PTK2: variants seen among roughly 807,000 people sequenced by gnomAD.
PTK2 encodes the protein protein tyrosine kinase 2.
A neutral mutation model predicts 150.1 loss-of-function variants in PTK2; 45 were observed. The ratio of observed to expected loss-of-function variants is 0.30; its 90% CI spans 0.24 to 0.38. The LOEUF is 0.38. PTK2 is among the 10% of genes least tolerant of loss of function. The pLI is 1.00. For synonymous variants in PTK2, 432 were observed against 449.2 expected (o/e 0.96, Z 0.48); for missense variants, 919 against 1,307.3 (o/e 0.70, Z 4.58).
At chr8:140,783,064 C>T (rs1157075190) in intron 14 of PTK2, among the ~76,000 whole-genome samples, 1 of 151,950 alleles carries the variant, frequency 6.6e-6, no homozygotes, top group Non-Finnish European at 1.5e-5. Flanking sequence ...CATAGGGAGA[C>T]CCCGTCTCTA....
intron 3 of PTK2, among the ~76,000 whole-genome samples, chr8:140,884,347 C>T (rs1183380339): frequency 6.6e-6 from 1 of 152,052 alleles, no homozygotes; most frequent in Admixed American, 6.6e-5. Flanking sequence ...TCCTTTCTAG[C>T]TTTCTTCCTA....
At chr8:140,863,913 T>G (rs933092268) in intron 5 of PTK2, among the ~76,000 whole-genome samples, 5 of 152,370 alleles carry the variant, frequency 3.3e-5, no homozygotes, top group African/African-American at 1.2e-4. Flanking sequence ...GCATTTTACC[T>G]TACATGTATT....
At chr8:140,697,954 C>G (rs879817305) in intron 26 of PTK2, among the ~76,000 whole-genome samples, 2 of 146,154 alleles carry the variant, frequency 1.4e-5, no homozygotes, top group Non-Finnish European at 3.0e-5. Context: ...CTCAACCTGC[C>G]GAGAAGCTGA....
At chr8:140,857,448 T>A (rs2100133366) in intron 5 of PTK2, among the ~76,000 whole-genome samples, 1 of 152,186 alleles carries the variant, frequency 6.6e-6, no homozygotes, top group Non-Finnish European at 1.5e-5. Flanking sequence ...CAATTAAGCA[T>A]CATAACAATT....
chr8:140,926,018 T>C (rs2100169295), intron 1 of PTK2, among the ~76,000 whole-genome samples: 1 of 152,190 alleles, frequency 6.6e-6, no homozygotes, highest in African/African-American at 2.4e-5. Flanking sequence ...GGGTAGATAC[T>C]GTTATCCCCA....
chr8:140,962,879 C>A (rs528116682), intron 1 of PTK2, among the ~76,000 whole-genome samples: 9 of 151,954 alleles, frequency 5.9e-5, no homozygotes, highest in East Asian at 1.9e-4. Context: ...TAGGTCCCCC[C>A]CCCCAACCCA....
intron 27 of PTK2, among the ~76,000 whole-genome samples, chr8:140,676,320 G>A (rs1055254423): frequency 1.3e-5 from 2 of 151,940 alleles, no homozygotes; most frequent in Admixed American, 6.6e-5. Flanking sequence ...AGGTTGCAGT[G>A]AGCCAAGATC....
intron 2 of PTK2, among the ~76,000 whole-genome samples, chr8:140,922,570 T>G (rs1462599753): frequency 6.6e-6 from 1 of 152,148 alleles, no homozygotes; most frequent in African/African-American, 2.4e-5. Flanking sequence ...AGCCATCGAC[T>G]AATGGACTGT....
chr8:140,727,297 C>T (rs778144996), intron 22 of PTK2, among the ~76,000 whole-genome samples: 14 of 152,204 alleles, frequency 9.2e-5, no homozygotes, highest in Admixed American at 3.3e-4. Flanking sequence ...AAACAATTTA[C>T]GTTTTACATT....
At chr8:140,939,831 G>A (rs1391112594) in intron 1 of PTK2, among the ~76,000 whole-genome samples, 2 of 152,086 alleles carry the variant, frequency 1.3e-5, no homozygotes, top group Admixed American at 6.5e-5. Context: ...TGATAATCTC[G>A]ATGTCACAAA....
At chr8:140,711,935 T>C (rs2100037079) in intron 23 of PTK2, among the ~76,000 whole-genome samples, 1 of 152,224 alleles carries the variant, frequency 6.6e-6, no homozygotes, top group South Asian at 2.1e-4. Flanking sequence ...TATTTCAGGA[T>C]TAGCAAATGG....
At chr8:140,697,852 G>GC (rs2100027721) in intron 26 of PTK2, among the ~76,000 whole-genome samples, 1 of 47,968 alleles carries the variant, frequency 2.1e-5, no homozygotes, top group Non-Finnish European at 3.5e-5. Flanking sequence ...AGGGTTTACT[G>GC]TTTTTTTTTT....
intron 1 of PTK2, among the ~76,000 whole-genome samples, chr8:140,929,986 C>T (rs1051169369): frequency 6.6e-6 from 1 of 152,028 alleles, no homozygotes; most frequent in African/African-American, 2.4e-5. Context: ...GGACAGAGTC[C>T]CATCCCATAA....
At chr8:140,982,528 CG>C (rs1193022808) in intron 1 of PTK2, among the ~76,000 whole-genome samples, 3 of 151,932 alleles carry the variant, frequency 2.0e-5, no homozygotes, top group African/African-American at 7.3e-5. Flanking sequence ...ACCCGGGAGG[CG>C]GAGGTTGCAG....
intron 8 of PTK2, among the ~76,000 whole-genome samples, chr8:140,824,436 C>T (rs376077094): frequency 6.6e-6 from 1 of 152,186 alleles, no homozygotes; most frequent in East Asian, 1.9e-4. Flanking sequence ...AAAACGATAT[C>T]ATTCAGAGTT....
intron 1 of PTK2, among the ~76,000 whole-genome samples, chr8:141,000,358 G>T (rs2100199639): frequency 6.6e-6 from 1 of 152,224 alleles, no homozygotes; most frequent in Non-Finnish European, 1.5e-5. Context: ...GGGACACGGC[G>T]GGCTTGGGGC....
chr8:140,684,630 T>C (rs1238125729), intron 27 of PTK2, among the ~76,000 whole-genome samples: 1 of 152,096 alleles, frequency 6.6e-6, no homozygotes, highest in Non-Finnish European at 1.5e-5. Context: ...ACACACAAAA[T>C]ACCCAGGAAT....
chr8:140,820,990 G>C (rs2100108235), intron 8 of PTK2: 1 of 152,236 alleles, frequency 6.6e-6, no homozygotes, highest in Admixed American at 6.5e-5. Flanking sequence ...TGTCTGTAGT[G>C]GCTTGAAGGT....
At position 140,669,488 on chromosome 8, in the gene PTK2, A is replaced by G. The variant is rs2094462597; in HGVS notation, c.2710-1064T>C. On this transcript the variant is annotated intron_variant, in intron 29 of 31. Transcript: ENST00000522684. Reference sequence around the variant, plus strand: ...GAACAGATTAATTCTTGGTTGTTCCAAAAGTCTGGGTATGAGATAGAAAAG... The same window carrying G: ...GAACAGATTAATTCTTGGTTGTTCCGAAAGTCTGGGTATGAGATAGAAAAG... The G allele has an allele frequency of 1.2e-5, 6 of 492,520 alleles. No homozygotes were observed. The South Asian group carries it at 2.4e-4, about 19-fold the overall frequency. The allele number at this position is 492,520 out of a possible 1,614,324, so 30.5% of individuals were successfully genotyped here.
Sources: allele counts gnomAD v4.1 joint callset (sites outside exome capture counted in the v4.1 genomes callset), GRCh38; gene constraint gnomAD v4.1.1; transcripts MANE v1.5; gene names NCBI Gene and HGNC (gene_info 2026-07-23, HGNC 2026-07-21).